Variants in CAMK4 observed in about 807,000 individuals in gnomAD.
The protein encoded by CAMK4 is calcium/calmodulin dependent protein kinase IV, also known as calcium/calmodulin-dependent protein kinase type IV.
Under a neutral mutation model 44.9 loss-of-function variants are expected in CAMK4, and 22 were observed. That is an observed-to-expected ratio of 0.49 (90% CI 0.35 to 0.70). The LOEUF (loss-of-function observed/expected upper bound fraction) is 0.70. Ranked by LOEUF, CAMK4 falls within the 30% of genes least tolerant of loss-of-function variation. The probability of loss-of-function intolerance (pLI) is 0.01; values close to 1 mark genes in which losing one functional copy is unlikely to be tolerated. For missense variants in CAMK4, 498 were observed against 586.8 expected (o/e 0.85, Z 1.56); for synonymous variants, 218 against 215.4 (o/e 1.01, Z -0.11).
chr5:111,335,343 C>G (rs142091196), intron 1 of CAMK4, among the ~76,000 whole-genome samples: 3 of 151,488 alleles, frequency 2.0e-5, no homozygotes, highest in African/African-American at 4.8e-5. Flanking sequence ...CCCAGACTTC[C>G]TAATTCCATT....
At chr5:111,389,457 G>A (rs399544) in intron 4 of CAMK4, among the ~76,000 whole-genome samples, 49,907 of 152,028 alleles carry the variant, frequency 0.33, 8,615 homozygotes, top group Admixed American at 0.39. Context: ...AAAATATAGA[G>A]AGGAGATTGT....
At chr5:111,342,508 T>G (rs1412585025) in intron 1 of CAMK4, among the ~76,000 whole-genome samples, 1 of 151,472 alleles carries the variant, frequency 6.6e-6, no homozygotes, top group African/African-American at 2.4e-5. Context: ...TTAACCTATT[T>G]ATGCCTATAT....
chr5:111,431,050 C>T (rs937613077), intron 5 of CAMK4, among the ~76,000 whole-genome samples: 2 of 151,964 alleles, frequency 1.3e-5, no homozygotes, highest in South Asian at 4.1e-4. Flanking sequence ...AAAAAAACCA[C>T]CTGGAGGAAT....
rs1192650847 is a variant in CAMK4, at chr5:111,487,340, G to A, written c.*2874G>A. 2 of 152,068 alleles carry A rather than the reference G, an allele frequency of 1.3e-5. No individual in the cohort carries two copies. Among genetic ancestry groups the A allele is most frequent in the African/African-American group, 4.8e-5 (2 of 41,418 alleles). The allele number at this position is 152,068 out of a possible 1,614,324, so 9.4% of individuals were successfully genotyped here. ...AAACTAGGTTTTTTTTTATAACCAT[G>A]AAGGACAGTCTTGAATTATTTCCCC... On this transcript the variant is annotated 3_prime_UTR_variant, in exon 11 of 11. Coordinates refer to ENST00000282356, the MANE Select transcript of CAMK4 (RefSeq NM_001744.6).
At chr5:111,433,501 C>T (rs1753535031) in intron 5 of CAMK4, among the ~76,000 whole-genome samples, 1 of 152,100 alleles carries the variant, frequency 6.6e-6, no homozygotes, top group African/African-American at 2.4e-5. Context: ...CTATCAAGAC[C>T]TAACCTTGGA....
chr5:111,362,222 A>G (rs965621433), intron 2 of CAMK4, among the ~76,000 whole-genome samples: 1 of 152,056 alleles, frequency 6.6e-6, no homozygotes, highest in Non-Finnish European at 1.5e-5. Flanking sequence ...AAGGGACTTG[A>G]TTAAAGACTC....
intron 1 of CAMK4, among the ~76,000 whole-genome samples, chr5:111,281,340 C>A (rs866548021): frequency 2.0e-5 from 3 of 152,282 alleles, no homozygotes; most frequent in Middle Eastern, 3.4e-3. Flanking sequence ...AGCTTTATAG[C>A]TTAATATAAC....
intron 6 of CAMK4, 50 bp downstream of exon 6, chr5:111,446,826 A>G (rs1754046814): frequency 2.7e-6 from 3 of 1,114,968 alleles, no homozygotes; most frequent in African/African-American, 3.1e-5. Flanking sequence ...GAGCAGAAAA[A>G]ATTTTACTGT....
intron 4 of CAMK4, among the ~76,000 whole-genome samples, chr5:111,382,790 C>T (rs909981738): frequency 6.6e-6 from 1 of 152,066 alleles, no homozygotes. Context: ...TATAATTTTG[C>T]TACCATGTCA....
At chr5:111,300,701 C>G (rs1051063131) in intron 1 of CAMK4, among the ~76,000 whole-genome samples, 1 of 152,096 alleles carries the variant, frequency 6.6e-6, no homozygotes, top group Admixed American at 6.5e-5. Context: ...CCCATTTAAA[C>G]TTTTGCAACC....
intron 1 of CAMK4, among the ~76,000 whole-genome samples, chr5:111,310,333 T>C (rs536868232): frequency 1.3e-5 from 2 of 152,362 alleles, no homozygotes; most frequent in South Asian, 4.1e-4. Flanking sequence ...TGTGTACTTA[T>C]GCTTTCAATA....
intron 5 of CAMK4, among the ~76,000 whole-genome samples, chr5:111,434,587 T>G (rs559121490): frequency 6.6e-6 from 1 of 152,208 alleles, no homozygotes. Context: ...TAACCAGGCC[T>G]GTTGAGCTGG....
chr5:111,483,044 A>G (rs1410392161), intron 10 of CAMK4, 107 bp downstream of exon 10: 8 of 943,740 alleles, frequency 8.5e-6, no homozygotes, highest in African/African-American at 6.9e-5. Context: ...ACTATTATCT[A>G]TTTCTTAAGG....
intron 1 of CAMK4, among the ~76,000 whole-genome samples, chr5:111,284,562 C>T (rs1421753114): frequency 6.6e-6 from 1 of 152,178 alleles, no homozygotes; most frequent in Non-Finnish European, 1.5e-5. Flanking sequence ...CTCAGATAGT[C>T]TCTCTTGCTC....
intron 1 of CAMK4, among the ~76,000 whole-genome samples, chr5:111,335,622 AC>A (rs1343313323): frequency 6.6e-6 from 1 of 151,386 alleles, no homozygotes; most frequent in African/African-American, 2.4e-5. Context: ...GCCCCTTTCT[AC>A]ACTACGTAGT....
At chr5:111,476,884 A>T (rs1755264723) in intron 8 of CAMK4, among the ~76,000 whole-genome samples, 1 of 152,218 alleles carries the variant, frequency 6.6e-6, no homozygotes, top group Admixed American at 6.5e-5. Flanking sequence ...CAAAGCAAAA[A>T]GTCACTGATA....
chr5:111,394,204 A>G lies in CAMK4; in HGVS notation c.387-506A>G, dbSNP rs570748254. On this transcript the variant is annotated intron_variant, in intron 4 of 10. Transcript: ENST00000282356. ...TAATATTAAGAAATTAATTATAGGT[A>G]TGATATTGGAATTATGACTGATTTT... 1.2e-4 allele frequency among the ~76,000 whole-genome samples: 18 copies of G among 152,324 alleles called. No homozygotes were observed. In the South Asian group the frequency reaches 3.5e-3, roughly 30 times the overall value.
chr5:111,235,493 C>T (rs1748673025), intron 1 of CAMK4, among the ~76,000 whole-genome samples: 1 of 152,152 alleles, frequency 6.6e-6, no homozygotes, highest in Non-Finnish European at 1.5e-5. Context: ...TCTTTTTCCC[C>T]TCAATGTGAA....
At chr5:111,264,450 G>A (rs1750138601) in intron 1 of CAMK4, among the ~76,000 whole-genome samples, 1 of 152,158 alleles carries the variant, frequency 6.6e-6, no homozygotes, top group Non-Finnish European at 1.5e-5. Context: ...CATGGTTCTT[G>A]AATGCATGAA....
Sources: gnomAD v4.1 joint callset for allele counts (sites outside exome capture counted in the v4.1 genomes callset) on GRCh38, gnomAD v4.1.1 for gene constraint, MANE v1.5 for transcripts, NCBI Gene and HGNC (gene_info 2026-07-23, HGNC 2026-07-21) for gene names.